Variants in NRG1 observed in about 807,000 individuals in gnomAD.
NRG1 encodes neuregulin 1, also known as pro-neuregulin-1, membrane-bound isoform.
A neutral mutation model predicts 63.8 loss-of-function variants in NRG1; 18 were observed. That is an observed-to-expected ratio of 0.28 (90% CI 0.19 to 0.42). The LOEUF (loss-of-function observed/expected upper bound fraction) is 0.42, where lower values mean the gene tolerates loss of function less well. Among genes scored for constraint, NRG1 ranks in the 10% least tolerant of loss-of-function variants. The probability of loss-of-function intolerance (pLI) is 1.00; values close to 1 mark genes in which losing one functional copy is unlikely to be tolerated. For synonymous variants in NRG1, 302 were observed against 301.3 expected (o/e 1.00, Z -0.02); for missense variants, 762 against 814.7 (o/e 0.94, Z 0.79).
At chr8:32,535,418 A>G (rs1345778844) in intron 1 of NRG1, among the ~76,000 whole-genome samples, 3 of 151,922 alleles carry the variant, frequency 2.0e-5, no homozygotes, top group Non-Finnish European at 4.4e-5. Context: ...ATTCACCTTC[A>G]TGATTGGTGT....
chr8:32,237,902 CACTA>C (rs1407485508), intron 1 of NRG1, among the ~76,000 whole-genome samples: 4 of 152,038 alleles, frequency 2.6e-5, no homozygotes, highest in South Asian at 2.1e-4. Context: ...TTAAGCAATT[CACTA>C]ACTATTTATA....
At chr8:31,658,460 C>A (rs1362343826) in intron 1 of NRG1, among the ~76,000 whole-genome samples, 1 of 151,942 alleles carries the variant, frequency 6.6e-6, no homozygotes, top group African/African-American at 2.4e-5. Flanking sequence ...GTGGTAAGTG[C>A]CTTCTTTCTT....
intron 1 of NRG1, among the ~76,000 whole-genome samples, chr8:32,538,508 A>G (rs1456602501): frequency 6.6e-6 from 1 of 152,228 alleles, no homozygotes; most frequent in Non-Finnish European, 1.5e-5. Flanking sequence ...ATTTAGGGAC[A>G]TCAAAATGTA....
At chr8:32,065,240 A>C (rs1368548683) in intron 1 of NRG1, among the ~76,000 whole-genome samples, 2 of 151,848 alleles carry the variant, frequency 1.3e-5, no homozygotes, top group African/African-American at 4.8e-5. Context: ...TTTAGGGTAC[A>C]TGTGCACAAC....
intron 1 of NRG1, among the ~76,000 whole-genome samples, chr8:32,237,258 T>C (rs1847658709): frequency 6.6e-6 from 1 of 152,156 alleles, no homozygotes; most frequent in African/African-American, 2.4e-5. Context: ...CAAAACATAT[T>C]GCAAAGCTCT....
chr8:32,711,831 A>T (rs1817890812), intron 5 of NRG1, among the ~76,000 whole-genome samples: 2 of 152,170 alleles, frequency 1.3e-5, no homozygotes, highest in African/African-American at 2.4e-5. Context: ...TTTTACTCTC[A>T]GCTGTATTGA....
At chr8:31,903,227 C>T (rs888439944) in intron 1 of NRG1, among the ~76,000 whole-genome samples, 5 of 149,358 alleles carry the variant, frequency 3.3e-5, no homozygotes, top group Non-Finnish European at 5.9e-5. Flanking sequence ...CGGCTCACTG[C>T]AAGCTCTGCC....
intron 1 of NRG1, among the ~76,000 whole-genome samples, chr8:32,493,533 T>C (rs1826841922): frequency 6.6e-6 from 1 of 152,184 alleles, no homozygotes; most frequent in South Asian, 2.1e-4. Flanking sequence ...AACCAACTGG[T>C]ATAGAAGGGA....
chr8:31,826,362 TGCTGTTCTCGTGATAGTAAATAA>T (rs1176580888), intron 1 of NRG1, among the ~76,000 whole-genome samples: 1 of 152,108 alleles, frequency 6.6e-6, no homozygotes, highest in East Asian at 1.9e-4. Flanking sequence ...GTCTTTCCTG[TGCTGTTCTCGTGATAGTAAATAA>T]GTCTCACAAG....
chr8:32,582,069 C>CTTATTTTATTTTATTT (rs148113315), intron 1 of NRG1, among the ~76,000 whole-genome samples: 3 of 145,154 alleles, frequency 2.1e-5, no homozygotes, highest in African/African-American at 2.6e-5. Flanking sequence ...ACCATGAACT[C>CTTATTTTATTTTATTT]TATTTTATTT....
intron 1 of NRG1, among the ~76,000 whole-genome samples, chr8:32,042,734 T>C (rs1303701467): frequency 6.6e-6 from 1 of 151,206 alleles, no homozygotes; most frequent in Non-Finnish European, 1.5e-5. Flanking sequence ...ACTTTAGAAC[T>C]AAAAAACACA....
At chr8:32,729,974 A>T (rs920214207) in intron 6 of NRG1, among the ~76,000 whole-genome samples, 10 of 151,584 alleles carry the variant, frequency 6.6e-5, no homozygotes, top group Middle Eastern at 3.2e-3. Context: ...TGTATAGCTG[A>T]TTTTATCAAA....
upstream of NRG1, among the ~76,000 whole-genome samples, chr8:32,544,002 A>G (rs1024127342): frequency 6.6e-6 from 1 of 152,016 alleles, no homozygotes; most frequent in Non-Finnish European, 1.5e-5. Flanking sequence ...CTTTCACCTC[A>G]ATTTCCTCCC....
At chr8:32,150,486 A>G (rs547231861) in intron 1 of NRG1, among the ~76,000 whole-genome samples, 1 of 152,208 alleles carries the variant, frequency 6.6e-6, no homozygotes, top group Non-Finnish European at 1.5e-5. Context: ...TGAAGAGAGC[A>G]CCCTAGGGCC....
intron 1 of NRG1, among the ~76,000 whole-genome samples, chr8:32,404,300 C>A (rs756666862): frequency 3.4e-5 from 5 of 146,674 alleles, no homozygotes; most frequent in Admixed American, 2.7e-4. Flanking sequence ...GAAGGAGGAA[C>A]CATAGCAACC....
rs866934619 is a variant in NRG1, at chr8:31,899,288, T to C, written c.37+259857T>C. On this transcript the variant is annotated intron_variant, in intron 1 of 10. Transcript: ENST00000519301. ...CCAGCTTATTTATTCTTTCTTTTTT[T>C]TTGTACCCATTAACTATCCTACCTC... Among the ~76,000 whole-genome samples the C allele has an allele frequency of 5.1e-4, 77 of 152,098 alleles. 1 individual carries two copies. The highest frequency in any genetic ancestry group is 1.6e-3 in the African/African-American group (67 of 41,510).
rs111764252 is a variant in NRG1, at chr8:31,639,459, C to T, written c.37+28C>T. 3 of 1,532,694 alleles carry T rather than the reference C, an allele frequency of 2.0e-6. 1 individual carries two copies. The highest frequency in any genetic ancestry group is 2.7e-5 in the African/African-American group (2 of 72,758). The allele number at this position is 1,532,694 out of a possible 1,614,324, so 94.9% of individuals were successfully genotyped here. ...AAACAGGCTGGCGAGGCGCAGGACG[C>T]TGTCGCCGCCGCGGCCACCCAGCGA... On this transcript the variant is annotated intron_variant, in intron 1 of 10. Transcript: ENST00000519301.
Position 31,640,838 on chromosome 8 carries a change from T to A in NRG1, c.37+1407T>A. On this transcript the variant is annotated intron_variant, in intron 1 of 10. Transcript: ENST00000519301. This position sits in a 1 kb window ranked among gnomAD's most constrained non-coding sequence, Gnocchi z 6.3. ...CCGAGCAAGGCAGAGGCGCTCTGGG[T>A]CCCAGTTGTTGGTTTCAGGGTGGTG... 1.4e-6 allele frequency: 2 copies of A among 1,405,576 alleles called. No individual in the cohort carries two copies. The highest frequency in any genetic ancestry group is 1.6e-5 in the South Asian group (1 of 63,002). 87.1% of individuals were successfully genotyped at this position (1,405,576 alleles called of 1,614,324 possible). A position where few individuals can be genotyped will look rare whatever the true frequency, so the allele number is the denominator to read the frequency against.
intron 1 of NRG1, among the ~76,000 whole-genome samples, chr8:32,323,931 C>T (rs1801708059): frequency 6.6e-6 from 1 of 152,146 alleles, no homozygotes; most frequent in African/African-American, 2.4e-5. Flanking sequence ...TCAGTAACTG[C>T]TGATTCCAAA....
Sources: allele counts gnomAD v4.1 joint callset (sites outside exome capture counted in the v4.1 genomes callset), GRCh38; gene constraint gnomAD v4.1.1; non-coding constraint Gnocchi (gnomAD v3.1); transcripts MANE v1.5; gene names NCBI Gene and HGNC (gene_info 2026-07-23, HGNC 2026-07-21).